TLE4: variants seen among roughly 807,000 people sequenced by gnomAD.
TLE4 encodes the protein transducin-like enhancer protein 4.
TLE4 carries 8 observed loss-of-function variants against 92.8 expected under a neutral mutation model. The observed-to-expected ratio is 0.09, with a 90% confidence interval of 0.05 to 0.16. The LOEUF is 0.16. Among genes scored for constraint, TLE4 ranks in the 10% least tolerant of loss-of-function variants. The pLI, the probability that TLE4 is intolerant of heterozygous loss-of-function variation, is 1.00. For missense variants in TLE4, 675 were observed against 997.6 expected, an observed-to-expected ratio of 0.68 and a Z score of 4.36; for synonymous variants, 371 against 374.1, an observed-to-expected ratio of 0.99 and a Z score of 0.10.
chr9:79,697,886 C>G (rs778391704), intron 8 of TLE4, among the ~76,000 whole-genome samples: 1 of 152,062 alleles, frequency 6.6e-6, no homozygotes, highest in Non-Finnish European at 1.5e-5. Context: ...TACTGAAAAA[C>G]AAGGTGTATA....
At position 79,573,808 on chromosome 9, in the gene TLE4, G is replaced by A. The variant is rs777209982; in HGVS notation, c.143+22G>A. 8.6e-6 allele frequency: 13 copies of A among 1,518,086 alleles called. No homozygotes were observed. In the South Asian group the frequency reaches 1.5e-4, roughly 17 times the overall value. The allele number at this position is 1,518,086 out of a possible 1,614,324, so 94.0% of individuals were successfully genotyped here. On this transcript the variant is annotated intron_variant, in intron 2 of 19. Coordinates refer to ENST00000376552, the MANE Select transcript of TLE4 (RefSeq NM_007005.6). ...ACAGGTAACGATATTGACTTTAGCT[G>A]ATCCTTCTGTTTGCTTAGCTCTTGT... is the stretch of plus-strand genomic sequence containing the variant.
rs1271402824 is a variant in TLE4, at chr9:79,651,940, CTTATT to C, written c.391-645_391-641del. Among the ~76,000 whole-genome samples the C allele has an allele frequency of 5.9e-5, 9 of 151,988 alleles. No individual in the cohort carries two copies. The East Asian group carries it at 1.4e-3, about 23-fold the overall frequency. ...GATTAGAAATGTATGATAGCGAGGC[CTTATT>C]TTATTTTTTGAGATAAAAAAAGCCT... On this transcript the variant is annotated intron_variant, in intron 6 of 19. Transcript: ENST00000376552.
At chr9:79,609,033 G>C (rs775586920) in intron 4 of TLE4, among the ~76,000 whole-genome samples, 6 of 152,020 alleles carry the variant, frequency 3.9e-5, no homozygotes, top group Non-Finnish European at 7.4e-5. Flanking sequence ...TGTGATAAAG[G>C]AAATATGTAT....
intron 19 of TLE4, among the ~76,000 whole-genome samples, chr9:79,723,970 T>C (rs1053556632): frequency 5.9e-5 from 9 of 152,226 alleles, no homozygotes; most frequent in Admixed American, 2.0e-4. Context: ...AGAGTCCTGG[T>C]TAAAATCCTG....
At chr9:79,603,164 A>G (rs2046038301) in intron 4 of TLE4, among the ~76,000 whole-genome samples, 1 of 152,190 alleles carries the variant, frequency 6.6e-6, no homozygotes, top group Admixed American at 6.5e-5. Context: ...AATGACCACA[A>G]AGAATTTGAA....
chr9:79,669,410 A>G (rs1182305401), intron 8 of TLE4, among the ~76,000 whole-genome samples: 3 of 152,266 alleles, frequency 2.0e-5, no homozygotes, highest in Non-Finnish European at 2.9e-5. Context: ...AAGAATAGGC[A>G]GAAACTGTAT....
intron 14 of TLE4, among the ~76,000 whole-genome samples, chr9:79,718,456 C>G (rs2074998838): frequency 1.3e-5 from 2 of 152,296 alleles, no homozygotes; most frequent in South Asian, 4.1e-4. Context: ...ATTTTAGAGA[C>G]TAGAACTGCT....
intron 14 of TLE4, chr9:79,717,946 A>C: frequency 4.4e-6 from 2 of 456,400 alleles, no homozygotes; most frequent in Non-Finnish European, 4.4e-6. Context: ...GTGCCCTAAA[A>C]ATAAAAATGA....
intron 6 of TLE4, among the ~76,000 whole-genome samples, chr9:79,642,524 T>C (rs913664151): frequency 6.6e-6 from 1 of 152,050 alleles, no homozygotes; most frequent in Non-Finnish European, 1.5e-5. Context: ...ACTTACAAAA[T>C]AGAACCATTG....
intron 6 of TLE4, among the ~76,000 whole-genome samples, chr9:79,630,320 G>A (rs555976945): frequency 2.0e-5 from 3 of 152,220 alleles, no homozygotes; most frequent in South Asian, 4.1e-4. Flanking sequence ...CAATAAGCTG[G>A]TTGTGTTTAA....
chr9:79,617,234 C>A (rs1007320712), intron 5 of TLE4, among the ~76,000 whole-genome samples: 1 of 151,954 alleles, frequency 6.6e-6, no homozygotes, highest in African/African-American at 2.4e-5. Flanking sequence ...CACAGGTTAT[C>A]TTTCAGGAGG....
At chr9:79,669,945 A>C (rs1328966205) in intron 8 of TLE4, among the ~76,000 whole-genome samples, 3 of 152,150 alleles carry the variant, frequency 2.0e-5, no homozygotes, top group Non-Finnish European at 4.4e-5. Flanking sequence ...AGCTCTCAGA[A>C]GATATTTTGC....
intron 6 of TLE4, among the ~76,000 whole-genome samples, chr9:79,635,744 G>A (rs571199905): frequency 6.6e-6 from 1 of 152,122 alleles, no homozygotes; most frequent in East Asian, 1.9e-4. Flanking sequence ...CGTCTCTTTT[G>A]CTAGTGCTAT....
intron 8 of TLE4, among the ~76,000 whole-genome samples, chr9:79,689,472 A>G (rs1234591881): frequency 3.3e-5 from 5 of 152,206 alleles, no homozygotes; most frequent in African/African-American, 4.8e-5. Flanking sequence ...TTATCTCATA[A>G]TGCCCACTTT....
chr9:79,626,316 A>G (rs1481725836), intron 5 of TLE4, among the ~76,000 whole-genome samples: 2 of 152,198 alleles, frequency 1.3e-5, no homozygotes, highest in Non-Finnish European at 2.9e-5. Context: ...TGAGCTTCAT[A>G]CTCATCTCAA....
At chr9:79,590,733 C>G (rs536734590) in intron 4 of TLE4, among the ~76,000 whole-genome samples, 16 of 152,222 alleles carry the variant, frequency 1.1e-4, no homozygotes, top group African/African-American at 3.4e-4. Flanking sequence ...ATTTACAAAT[C>G]CCACTTTCTT....
At chr9:79,615,059 T>C (rs1474862006) in intron 5 of TLE4, among the ~76,000 whole-genome samples, 1 of 152,196 alleles carries the variant, frequency 6.6e-6, no homozygotes, top group Admixed American at 6.5e-5. Context: ...CAAACATGTT[T>C]GTTTCCTTCA....
chr9:79,611,936 TAAAAAA>T (rs34106000), intron 4 of TLE4, among the ~76,000 whole-genome samples: 5 of 78,420 alleles, frequency 6.4e-5, no homozygotes, highest in African/African-American at 2.1e-4. Flanking sequence ...ATATCCACAG[TAAAAAA>T]AAAAAAAAAA....
chr9:79,717,922 C>G, intron 14 of TLE4: 2 of 455,292 alleles, frequency 4.4e-6, no homozygotes, highest in Non-Finnish European at 8.8e-6. Context: ...CTCACTCGTC[C>G]CTTCCTGACT....
Sources: gnomAD v4.1 joint callset for allele counts (sites outside exome capture counted in the v4.1 genomes callset) on GRCh38, gnomAD v4.1.1 for gene constraint, MANE v1.5 for transcripts, NCBI Gene and HGNC (gene_info 2026-07-23, HGNC 2026-07-21) for gene names.